ADAMTS12: variants seen among roughly 807,000 people sequenced by gnomAD.
ADAMTS12 encodes ADAM metallopeptidase with thrombospondin type 1 motif 12, also known as A disintegrin and metalloproteinase with thrombospondin motifs 12.
In ADAMTS12, 118 loss-of-function variants were observed where a neutral mutation model predicts 167.8. The observed-to-expected ratio is 0.70, with a 90% CI of 0.61 to 0.82. The LOEUF (loss-of-function observed/expected upper bound fraction) is 0.82, where lower values mean the gene tolerates loss of function less well. Among genes scored for constraint, ADAMTS12 ranks in the 40% least tolerant of loss-of-function variants. ADAMTS12 has a pLI of 0.00. For synonymous variants in ADAMTS12, 704 were observed against 716.9 expected, an observed-to-expected ratio of 0.98 and a Z score of 0.29; for missense variants, 1,916 against 1,998.8, an observed-to-expected ratio of 0.96 and a Z score of 0.79.
At chr5:33,557,777 T>C (rs1270045578) in intron 20 of ADAMTS12, among the ~76,000 whole-genome samples, 1 of 151,602 alleles carries the variant, frequency 6.6e-6, no homozygotes, top group Non-Finnish European at 1.5e-5. Flanking sequence ...CAGCAGGAGG[T>C]GAGCATCGGG....
At chr5:33,569,379 G>C (rs1746188883) in intron 19 of ADAMTS12, among the ~76,000 whole-genome samples, 1 of 152,202 alleles carries the variant, frequency 6.6e-6, no homozygotes, top group African/African-American at 2.4e-5. Flanking sequence ...CACACGGTCA[G>C]GTACTCCTCT....
chr5:33,578,884 C>T, intron 18 of ADAMTS12, among the ~76,000 whole-genome samples: 1 of 152,102 alleles, frequency 6.6e-6, no homozygotes, highest in Non-Finnish European at 1.5e-5. Context: ...TTTAAGATGT[C>T]CACAAAATAT....
At chr5:33,762,084 C>T (rs948554472) in intron 2 of ADAMTS12, among the ~76,000 whole-genome samples, 6 of 152,068 alleles carry the variant, frequency 3.9e-5, no homozygotes, top group African/African-American at 1.4e-4. Context: ...CCCAGCTACT[C>T]AGGAGGCTGA....
At chr5:33,689,463 C>T (rs1030158283) in intron 3 of ADAMTS12, among the ~76,000 whole-genome samples, 4 of 151,876 alleles carry the variant, frequency 2.6e-5, no homozygotes, top group Non-Finnish European at 5.9e-5. Context: ...CCAGCTGAGT[C>T]CTAGTCCTCC....
chr5:33,647,501 C>T (rs1180128759), intron 9 of ADAMTS12, among the ~76,000 whole-genome samples: 1 of 152,096 alleles, frequency 6.6e-6, no homozygotes, highest in South Asian at 2.1e-4. Flanking sequence ...GAGGCCAAGG[C>T]GGGTGGATCA....
At chr5:33,643,567 A>T in intron 9 of ADAMTS12, 97 bp from the exon 10 acceptor site, 1 of 1,027,498 alleles carries the variant, frequency 9.7e-7, no homozygotes, top group Non-Finnish European at 1.5e-6. Flanking sequence ...ACACACTCAC[A>T]ATAAATGCCA....
intron 2 of ADAMTS12, among the ~76,000 whole-genome samples, chr5:33,814,000 G>A (rs2112491711): frequency 6.6e-6 from 1 of 152,244 alleles, no homozygotes; most frequent in East Asian, 1.9e-4. Flanking sequence ...CAGGAAATTG[G>A]GGCATATACT....
Position 33,616,019 on chromosome 5 carries a change from C to T in ADAMTS12, c.2197G>A (p.Glu733Lys). Reference sequence around the variant, plus strand: ...AGGAAGTTTCCAGCTCCCTCAATTTCCATCACTCTTATGTCCCTTGCTCCT... The same window carrying T: ...AGGAAGTTTCCAGCTCCCTCAATTTTCATCACTCTTATGTCCCTTGCTCCT... The part of the protein sequence containing the change: ...PKGARDIRVM[E>K]IEGAGNFLAI... The change falls in exon 15 of 24, where the codon GAA becomes AAA. Residue 733 changes from glutamate (E) to lysine (K), a missense_variant. Transcript: ENST00000504830. 1 of 1,614,192 alleles carries T rather than the reference C, an allele frequency of 6.2e-7. No homozygotes were observed. The highest frequency in any genetic ancestry group is 1.3e-5 in the African/African-American group (1 of 75,056).
At chr5:33,658,425 A>G (rs1741139000) in intron 6 of ADAMTS12, 92 bp from the exon 7 acceptor site, 2 of 1,450,616 alleles carry the variant, frequency 1.4e-6, no homozygotes, top group African/African-American at 2.8e-5. Flanking sequence ...CACATTCAAT[A>G]TGGTCTGTAA....
At chr5:33,637,552 G>A in intron 12 of ADAMTS12, 25 bp downstream of exon 12, 1 of 1,605,342 alleles carries the variant, frequency 6.2e-7, no homozygotes, top group Non-Finnish European at 8.5e-7. Context: ...CCCTAGATCT[G>A]AGATACACCA....
chr5:33,808,257 G>GAGAT (rs1320296499), intron 2 of ADAMTS12, among the ~76,000 whole-genome samples: 1 of 152,216 alleles, frequency 6.6e-6, no homozygotes, highest in Admixed American at 6.5e-5. Flanking sequence ...TCCAGTTGCA[G>GAGAT]AGATGCCTTT....
rs1334395667 is a variant in ADAMTS12 at position 33,524,324 on chromosome 5, ACC to A, written c.*2862_*2863del. On this transcript the variant is annotated 3_prime_UTR_variant, in exon 24 of 24. Transcript: ENST00000504830. ...ATTTTCATGTTTAAGAATTATATTA[ACC>A]CACAACTTTCCAGAGAAGAGCTAAA... 1 of 152,206 alleles carries A rather than the reference ACC, an allele frequency of 6.6e-6. No individual in the cohort carries two copies. Among genetic ancestry groups the A allele is most frequent in the Non-Finnish European group, 1.5e-5 (1 of 68,042 alleles). The allele number at this position is 152,206 out of a possible 1,614,324, so 9.4% of individuals were successfully genotyped here.
chr5:33,721,512 G>A (rs1241257735), intron 3 of ADAMTS12, among the ~76,000 whole-genome samples: 1 of 152,112 alleles, frequency 6.6e-6, no homozygotes, highest in Non-Finnish European at 1.5e-5. Flanking sequence ...GGTCTCCATG[G>A]TCTCTCAGTA....
At chr5:33,793,582 A>G (rs1746659765) in intron 2 of ADAMTS12, among the ~76,000 whole-genome samples, 2 of 152,158 alleles carry the variant, frequency 1.3e-5, no homozygotes, top group African/African-American at 2.4e-5. Context: ...GAAATGAGAG[A>G]CTGTATTGGA....
chr5:33,714,192 C>T (rs1389837719), intron 3 of ADAMTS12, among the ~76,000 whole-genome samples: 1 of 152,052 alleles, frequency 6.6e-6, no homozygotes, highest in Non-Finnish European at 1.5e-5. Flanking sequence ...GGGAAAGCCC[C>T]TTTAAACTAA....
chr5:33,708,851 C>T (rs537650039), intron 3 of ADAMTS12, among the ~76,000 whole-genome samples: 4 of 151,968 alleles, frequency 2.6e-5, no homozygotes, highest in South Asian at 2.1e-4. Flanking sequence ...ATGTAGATAA[C>T]GGGTCGATGT....
At chr5:33,807,120 G>A (rs1472780656) in intron 2 of ADAMTS12, among the ~76,000 whole-genome samples, 2 of 152,062 alleles carry the variant, frequency 1.3e-5, no homozygotes, top group Non-Finnish European at 2.9e-5. Flanking sequence ...TCCTTTCTCT[G>A]TCTGTTTCAG....
At chr5:33,558,594 T>C (rs1034316565) in intron 20 of ADAMTS12, among the ~76,000 whole-genome samples, 3 of 152,150 alleles carry the variant, frequency 2.0e-5, no homozygotes, top group African/African-American at 4.8e-5. Flanking sequence ...ACCCCAGAGA[T>C]GAGCTTGCTA....
chr5:33,574,614 G>A (rs1368141540), intron 19 of ADAMTS12, among the ~76,000 whole-genome samples: 2 of 148,408 alleles, frequency 1.3e-5, no homozygotes, highest in Non-Finnish European at 3.0e-5. Flanking sequence ...GGGGGAGGGC[G>A]GAGGGATAGC....
Sources: gnomAD v4.1 joint callset for allele counts (sites outside exome capture counted in the v4.1 genomes callset) on GRCh38, gnomAD v4.1.1 for gene constraint, MANE v1.5 for transcripts, NCBI Gene and HGNC (gene_info 2026-07-23, HGNC 2026-07-21) for gene names.